KHDRBS2: variants seen among roughly 807,000 people sequenced by gnomAD.
KHDRBS2 encodes KH domain-containing, RNA-binding, signal transduction-associated protein 2.
Under a neutral mutation model 44.3 loss-of-function variants are expected in KHDRBS2, and 26 were observed. That is an observed-to-expected ratio of 0.59 (90% CI 0.43 to 0.81). KHDRBS2 has a LOEUF of 0.81. KHDRBS2 is among the 40% of genes least tolerant of loss of function. The probability of loss-of-function intolerance (pLI) is 0.00; values close to 1 mark genes in which losing one functional copy is unlikely to be tolerated. For synonymous variants in KHDRBS2, 194 were observed against 151.1 expected (o/e 1.28, Z -2.08); for missense variants, 476 against 433.1 (o/e 1.10, Z -0.88).
At chr6:62,067,209 A>G (rs1793938328) in intron 2 of KHDRBS2, among the ~76,000 whole-genome samples, 1 of 151,518 alleles carries the variant, frequency 6.6e-6, no homozygotes, top group Non-Finnish European at 1.5e-5. Context: ...AATGATATGG[A>G]TCTGTTAGAA....
At chr6:61,749,010 T>TTTTTTTTTTTTTTTTTTTTTTC (rs1777254800) in intron 6 of KHDRBS2, among the ~76,000 whole-genome samples, 2 of 27,322 alleles carry the variant, frequency 7.3e-5, no homozygotes, top group Non-Finnish European at 1.3e-4. Flanking sequence ...TCTTTCTTTC[T>TTTTTTTTTTTTTTTTTTTTTTC]TTTTTTTTTT....
At chr6:61,703,603 G>C (rs968706382) in intron 7 of KHDRBS2, among the ~76,000 whole-genome samples, 2 of 151,826 alleles carry the variant, frequency 1.3e-5, no homozygotes, top group Non-Finnish European at 2.9e-5. Context: ...AATTGATAGT[G>C]CCTTTATTTT....
the KHDRBS2 span, among the ~76,000 whole-genome samples, chr6:61,656,948 G>T: frequency 1.3e-5 from 2 of 151,876 alleles, no homozygotes; most frequent in Non-Finnish European, 2.9e-5. Flanking sequence ...ATGTAATCAT[G>T]TTTATTTTGG....
At chr6:61,694,567 G>A (rs1767705463) in intron 8 of KHDRBS2, among the ~76,000 whole-genome samples, 1 of 152,146 alleles carries the variant, frequency 6.6e-6, no homozygotes. Context: ...AATGTGCTTG[G>A]AACAATAGAA....
At chr6:61,841,496 A>G (rs376276630) in intron 6 of KHDRBS2, among the ~76,000 whole-genome samples, 2 of 152,212 alleles carry the variant, frequency 1.3e-5, no homozygotes, top group Admixed American at 6.5e-5. Context: ...TTGGCTTTAC[A>G]AAGATTAAAG....
chr6:61,945,943 A>G (rs2127380068), intron 4 of KHDRBS2, among the ~76,000 whole-genome samples: 1 of 152,338 alleles, frequency 6.6e-6, no homozygotes, highest in Non-Finnish European at 1.5e-5. Context: ...TAAGTCTTGC[A>G]TTATAAATCA....
chr6:61,780,960 T>C (rs1395975310), intron 6 of KHDRBS2, among the ~76,000 whole-genome samples: 1 of 152,170 alleles, frequency 6.6e-6, no homozygotes, highest in East Asian at 1.9e-4. Context: ...TTTCCTTATA[T>C]ATCAGTTTAA....
intron 1 of KHDRBS2, among the ~76,000 whole-genome samples, chr6:62,232,725 T>A (rs2150160289): frequency 6.6e-6 from 1 of 152,312 alleles, no homozygotes; most frequent in Admixed American, 6.5e-5. Flanking sequence ...GTTTTTCTAT[T>A]GTGAAACTCT....
At chr6:61,564,393 TTA>T in the KHDRBS2 span, among the ~76,000 whole-genome samples, 1 of 152,074 alleles carries the variant, frequency 6.6e-6, no homozygotes, top group African/African-American at 2.4e-5. Flanking sequence ...AAATAATGAT[TTA>T]TGTTAGCTCC....
intron 6 of KHDRBS2, among the ~76,000 whole-genome samples, chr6:61,738,342 T>G (rs1775686942): frequency 6.6e-6 from 1 of 152,082 alleles, no homozygotes; most frequent in Non-Finnish European, 1.5e-5. Context: ...GGAGATATGA[T>G]TCATTCCTCC....
the KHDRBS2 span, among the ~76,000 whole-genome samples, chr6:61,640,955 C>T: frequency 6.6e-6 from 1 of 152,144 alleles, no homozygotes; most frequent in East Asian, 1.9e-4. Flanking sequence ...CTCTTTATTA[C>T]TCCTTCAATT....
At chr6:61,659,356 T>C in the KHDRBS2 span, among the ~76,000 whole-genome samples, 1 of 151,886 alleles carries the variant, frequency 6.6e-6, no homozygotes, top group Middle Eastern at 3.4e-3. Context: ...GGGATAAGAA[T>C]GTCAGAGCTG....
the KHDRBS2 span, among the ~76,000 whole-genome samples, chr6:61,636,214 C>T: frequency 3.2e-4 from 49 of 152,134 alleles, no homozygotes; most frequent in African/African-American, 1.1e-3. Flanking sequence ...GTTCAAATGA[C>T]ATCTGCAAAA....
chr6:61,561,605 G>A, the KHDRBS2 span, among the ~76,000 whole-genome samples: 1 of 152,100 alleles, frequency 6.6e-6, no homozygotes, highest in Non-Finnish European at 1.5e-5. Flanking sequence ...ACAGGGAGAG[G>A]AGCTTCTCCC....
intron 1 of KHDRBS2, among the ~76,000 whole-genome samples, chr6:62,249,596 A>G (rs1414337056): frequency 6.6e-6 from 1 of 152,038 alleles, no homozygotes; most frequent in Non-Finnish European, 1.5e-5. Context: ...TAGGAAATAT[A>G]TAAAATACAA....
chr6:62,212,705 G>A (rs928627251), intron 1 of KHDRBS2, among the ~76,000 whole-genome samples: 10 of 152,184 alleles, frequency 6.6e-5, no homozygotes, highest in Admixed American at 6.5e-4. Context: ...AGCTAGGAGA[G>A]AGGCACAGAG....
At chr6:61,862,185 T>G (rs898667530) in intron 6 of KHDRBS2, among the ~76,000 whole-genome samples, 3 of 152,138 alleles carry the variant, frequency 2.0e-5, no homozygotes, top group Admixed American at 1.3e-4. Context: ...TAAGCAAAGA[T>G]AGTTTGACTT....
intron 6 of KHDRBS2, among the ~76,000 whole-genome samples, chr6:61,809,132 C>T (rs1787681992): frequency 6.6e-6 from 1 of 151,912 alleles, no homozygotes; most frequent in Non-Finnish European, 1.5e-5. Context: ...CATCTAAGCA[C>T]TAGCCTCTTT....
At chr6:61,634,804 T>C in the KHDRBS2 span, among the ~76,000 whole-genome samples, 3 of 152,200 alleles carry the variant, frequency 2.0e-5, no homozygotes, top group African/African-American at 7.2e-5. Flanking sequence ...AAGCATTAAT[T>C]TGTATCTAAT....
Sources: gnomAD v4.1 joint callset for allele counts (sites outside exome capture counted in the v4.1 genomes callset) on GRCh38, gnomAD v4.1.1 for gene constraint, MANE v1.5 for transcripts, NCBI Gene and HGNC (gene_info 2026-07-23, HGNC 2026-07-21) for gene names.